The following PREX1 variants were observed in gnomAD, a reference collection of about 807,000 sequenced individuals.
PREX1 encodes phosphatidylinositol 3,4,5-trisphosphate-dependent Rac exchanger 1 protein.
In PREX1, 41 loss-of-function variants were observed where a neutral mutation model predicts 198.3. The ratio of observed to expected loss-of-function variants is 0.21; its 90% CI spans 0.16 to 0.27. The LOEUF is 0.27. Among genes scored for constraint, PREX1 ranks in the 10% least tolerant of loss-of-function variants. PREX1 has a pLI of 1.00. For missense variants in PREX1, 1,620 were observed against 2,200.7 expected (o/e 0.74, Z 5.28); for synonymous variants, 843 against 887.2 (o/e 0.95, Z 0.89).
chr20:48,874,429 G>C, the PREX1 span, among the ~76,000 whole-genome samples: 2 of 150,628 alleles, frequency 1.3e-5, no homozygotes, highest in African/African-American at 2.4e-5. Flanking sequence ...GTAGGGGGTG[G>C]GTGGTGTCGT....
In PREX1 at chr20:48,666,376, G is replaced by C; in HGVS notation, c.1666-21C>G. ...TCTCCCTGGAATGGAACAAGAAGGGGAGGGTGTTAGGTGGCAGCATCCGAG... is the reference window on the plus strand; with the variant it reads ...TCTCCCTGGAATGGAACAAGAAGGGCAGGGTGTTAGGTGGCAGCATCCGAG... On this transcript the variant is annotated intron_variant, in intron 14 of 39. Transcript: ENST00000371941. This position sits in a 1 kb window ranked among gnomAD's most constrained non-coding sequence, Gnocchi z 4.3. 6.5e-7 allele frequency: 1 copy of C among 1,543,770 alleles called. No individual in the cohort carries two copies. Among genetic ancestry groups the C allele is most frequent in the Non-Finnish European group, 8.7e-7 (1 of 1,143,000 alleles).
intron 7 of PREX1, among the ~76,000 whole-genome samples, chr20:48,698,703 GA>G (rs1272721453): frequency 3.9e-5 from 6 of 152,166 alleles, no homozygotes; most frequent in Admixed American, 3.3e-4. Flanking sequence ...GAACAGGGGG[GA>G]AAGGGCAATG....
the PREX1 span, among the ~76,000 whole-genome samples, chr20:48,877,656 T>A: frequency 6.6e-6 from 1 of 152,228 alleles, no homozygotes; most frequent in Non-Finnish European, 1.5e-5. Context: ...ATTTGTTACA[T>A]TAATAAATAC....
chr20:48,818,824 A>T (rs1186962212), intron 1 of PREX1, among the ~76,000 whole-genome samples: 1 of 152,250 alleles, frequency 6.6e-6, no homozygotes, highest in Non-Finnish European at 1.5e-5. Context: ...TTCATCTCGC[A>T]TCAACAGCCC....
At chr20:48,631,461 A>C (rs1394406768) in intron 35 of PREX1, among the ~76,000 whole-genome samples, 1 of 152,346 alleles carries the variant, frequency 6.6e-6, no homozygotes, top group East Asian at 1.9e-4. Context: ...GGCCCGCAGA[A>C]GGCCTCAACA....
chr20:48,811,559 T>C (rs2090435528), intron 1 of PREX1, among the ~76,000 whole-genome samples: 1 of 151,648 alleles, frequency 6.6e-6, no homozygotes, highest in South Asian at 2.1e-4. Flanking sequence ...TGCAAACTAC[T>C]GACCAGACCT....
chr20:48,816,956 A>G (rs2090461938), intron 1 of PREX1, among the ~76,000 whole-genome samples: 1 of 152,210 alleles, frequency 6.6e-6, no homozygotes, highest in South Asian at 2.1e-4. Context: ...GCAGCAACAG[A>G]TAACTAATAC....
At chr20:48,874,372 CGTGTGT>C in the PREX1 span, among the ~76,000 whole-genome samples, 8,812 of 127,850 alleles carry the variant, frequency 0.069, 519 homozygotes, top group African/African-American at 0.17. Context: ...GAGGGGTGTC[CGTGTGT>C]GTGTGTGTGT....
At chr20:48,854,563 A>G in the PREX1 span, among the ~76,000 whole-genome samples, 1 of 152,118 alleles carries the variant, frequency 6.6e-6, no homozygotes, top group Non-Finnish European at 1.5e-5. Flanking sequence ...ACCCTCTCTA[A>G]AAAATAAAAA....
At chr20:48,812,420 G>A (rs1209893717) in intron 1 of PREX1, among the ~76,000 whole-genome samples, 1 of 151,346 alleles carries the variant, frequency 6.6e-6, no homozygotes, top group Non-Finnish European at 1.5e-5. Context: ...AATAATGTAA[G>A]AGGAATGGGT....
chr20:48,655,318 G>T lies in PREX1; in HGVS notation c.2181C>A (p.Ala727=), dbSNP rs1263771840. The stretch of plus-strand genomic sequence containing the variant: ...TCCCCACAGCATAGACGTACGGTGG[G>T]GCAGCTCCACGAATCTGGAAGCACA... The part of the protein sequence containing the change: ...DTLCFQIRGA[A]PPYVYAVGRG... Residue 727 remains alanine (A), a synonymous_variant, in exon 19 of 40, where the codon GCC becomes GCA. Transcript: ENST00000371941. 6.3e-7 allele frequency: 1 copy of T among 1,597,400 alleles called. No individual in the cohort carries two copies. Among genetic ancestry groups the T allele is most frequent in the Non-Finnish European group, 8.6e-7 (1 of 1,168,392 alleles).
At chr20:48,753,733 A>C (rs1255673431) in intron 1 of PREX1, among the ~76,000 whole-genome samples, 2 of 152,166 alleles carry the variant, frequency 1.3e-5, no homozygotes, top group Non-Finnish European at 2.9e-5. Flanking sequence ...GGCCCCCAGC[A>C]TCCAGGCCTT....
At chr20:48,724,456 G>A (rs1200293001) in intron 5 of PREX1, among the ~76,000 whole-genome samples, 1 of 152,208 alleles carries the variant, frequency 6.6e-6, no homozygotes, top group East Asian at 1.9e-4. Flanking sequence ...GTAAATGACA[G>A]AGAAATTCAA....
chr20:48,810,948 C>A (rs2090431301), intron 1 of PREX1, among the ~76,000 whole-genome samples: 1 of 151,908 alleles, frequency 6.6e-6, no homozygotes, highest in Admixed American at 6.6e-5. Context: ...TAAATGGCAA[C>A]CAATGTTTGG....
the PREX1 span, among the ~76,000 whole-genome samples, chr20:48,876,783 T>G: frequency 6.6e-6 from 1 of 152,334 alleles, no homozygotes; most frequent in East Asian, 1.9e-4. Flanking sequence ...TACCATCTTT[T>G]ATTTTTACAG....
the PREX1 span, among the ~76,000 whole-genome samples, chr20:48,848,881 C>A: frequency 1.1e-4 from 17 of 152,280 alleles, no homozygotes; most frequent in African/African-American, 4.1e-4. Context: ...GGACTACAGG[C>A]ACACACCACT....
intron 33 of PREX1, among the ~76,000 whole-genome samples, chr20:48,634,458 C>A (rs1307945429): frequency 6.6e-6 from 1 of 152,194 alleles, no homozygotes; most frequent in Admixed American, 6.5e-5. Flanking sequence ...TTGGAAATAG[C>A]CGGGTTCATA....
the PREX1 span, among the ~76,000 whole-genome samples, chr20:48,879,004 G>A: frequency 1.3e-5 from 2 of 152,206 alleles, no homozygotes; most frequent in African/African-American, 2.4e-5. Context: ...GGTGAAGCAG[G>A]AAGAGGAAAA....
intron 15 of PREX1, among the ~76,000 whole-genome samples, chr20:48,661,468 T>TATATATATATATATATATACACAC (rs1373152651): frequency 2.6e-5 from 2 of 76,810 alleles, no homozygotes; most frequent in African/African-American, 2.0e-4. Context: ...TATATATATA[T>TATATATATATATATATATACACAC]ACACACACAT....
Sources: allele counts gnomAD v4.1 joint callset (sites outside exome capture counted in the v4.1 genomes callset), GRCh38; gene constraint gnomAD v4.1.1; non-coding constraint Gnocchi (gnomAD v3.1); transcripts MANE v1.5; gene names NCBI Gene and HGNC (gene_info 2026-07-23, HGNC 2026-07-21).